LMO7: variants seen among roughly 807,000 people sequenced by gnomAD.
LMO7 encodes the protein LIM domain only protein 7.
Under a neutral mutation model 206.5 loss-of-function variants are expected in LMO7, and 120 were observed. The ratio of observed to expected loss-of-function variants is 0.58; its 90% confidence interval spans 0.50 to 0.68. The LOEUF (loss-of-function observed/expected upper bound fraction) is 0.68, where lower values mean the gene tolerates loss of function less well. Ranked by LOEUF, LMO7 falls within the 30% of genes least tolerant of loss-of-function variation. The probability of loss-of-function intolerance (pLI) is 0.00; values close to 1 mark genes in which losing one functional copy is unlikely to be tolerated. For synonymous variants in LMO7, 706 were observed against 681.5 expected, an observed-to-expected ratio of 1.04 and a Z score of -0.56; for missense variants, 1,959 against 1,957.9, an observed-to-expected ratio of 1.00 and a Z score of -0.01.
intron 9 of LMO7, chr13:75,806,017 T>C (rs759779834): frequency 5.0e-5 from 60 of 1,199,962 alleles, no homozygotes; most frequent in Non-Finnish European, 6.1e-5. Context: ...CAATTCTTTG[T>C]CTCATTCCCT....
In LMO7 at chr13:75,853,121, C is replaced by G. The variant is rs752648828; in HGVS notation, c.4394C>G (p.Pro1465Arg). The G allele has an allele frequency of 1.9e-6, 3 of 1,611,542 alleles. No individual in the cohort carries two copies. The highest frequency in any genetic ancestry group is 1.7e-5 in the Admixed American group (1 of 59,786). Residue 1465 changes from proline (P) to arginine (R), a missense_variant, in exon 28 of 31, where the codon CCC (proline) becomes CGC (arginine). Transcript: ENST00000377534. ...RGESLDNLDSPRSNSWRQPPW... is the reference protein window; with the variant it reads ...RGESLDNLDSRRSNSWRQPPW... ...GAATCTTTAGATAACCTGGACTCCC[C>G]CCGATCCAATTCTTGGAGACAGCCT...
chr13:75,665,112 T>G (rs966548475), intron 1 of LMO7, among the ~76,000 whole-genome samples: 4 of 152,160 alleles, frequency 2.6e-5, no homozygotes, highest in Non-Finnish European at 5.9e-5. Context: ...TTGAGAAAAT[T>G]ATACTGACTG....
chr13:75,847,093 T>C (rs2060063462), intron 26 of LMO7, among the ~76,000 whole-genome samples: 1 of 151,376 alleles, frequency 6.6e-6, no homozygotes, highest in African/African-American at 2.4e-5. Flanking sequence ...GCTTTGTATG[T>C]ACACAAATGT....
At chr13:75,706,430 G>T (rs1316539410) in intron 1 of LMO7, among the ~76,000 whole-genome samples, 1 of 152,184 alleles carries the variant, frequency 6.6e-6, no homozygotes, top group Non-Finnish European at 1.5e-5. Context: ...TAAAAAATCA[G>T]ATTTTTCGAG....
intron 2 of LMO7, among the ~76,000 whole-genome samples, 155 bp downstream of exon 2, chr13:75,713,407 A>G (rs2043279092): frequency 6.6e-6 from 1 of 152,226 alleles, no homozygotes; most frequent in African/African-American, 2.4e-5. Flanking sequence ...ATACCTCACA[A>G]TACGAGACAG....
intron 11 of LMO7, among the ~76,000 whole-genome samples, chr13:75,815,277 C>A (rs2056860482): frequency 6.6e-6 from 1 of 152,054 alleles, no homozygotes; most frequent in African/African-American, 2.4e-5. Flanking sequence ...GTAGGAGTCA[C>A]TTGGATCAGG....
intron 17 of LMO7, 21 bp downstream of exon 17, chr13:75,834,408 T>C: frequency 1.3e-6 from 2 of 1,534,314 alleles, no homozygotes; most frequent in Non-Finnish European, 1.8e-6. Flanking sequence ...GTTACCACCA[T>C]GTCTGGCATT....
chr13:75,627,062 G>C (rs2034291183), intron 2 of LMO7: 1 of 151,946 alleles, frequency 6.6e-6, no homozygotes, highest in Non-Finnish European at 1.5e-5. Context: ...CTAATGTATG[G>C]GTTGTTTCCT....
At chr13:75,660,447 G>T (rs1429924506) in intron 1 of LMO7, among the ~76,000 whole-genome samples, 2 of 152,126 alleles carry the variant, frequency 1.3e-5, no homozygotes, top group East Asian at 3.8e-4. Context: ...GCAGGGAATG[G>T]CATCTCCATT....
intron 9 of LMO7, chr13:75,806,080 G>T (rs1323749497): frequency 3.7e-6 from 4 of 1,093,444 alleles, no homozygotes; most frequent in Non-Finnish European, 4.4e-6. Flanking sequence ...AGACTCTGAG[G>T]ATGAGGACTC....
intron 1 of LMO7, among the ~76,000 whole-genome samples, chr13:75,661,666 C>T (rs921574786): frequency 4.6e-5 from 7 of 152,178 alleles, no homozygotes; most frequent in East Asian, 1.9e-4. Flanking sequence ...ACACAGGAGG[C>T]GTGGAAAATG....
intron 1 of LMO7, among the ~76,000 whole-genome samples, chr13:75,659,551 C>T (rs1434012738): frequency 6.6e-6 from 1 of 151,592 alleles, no homozygotes; most frequent in Non-Finnish European, 1.5e-5. Flanking sequence ...AAAGTGGAAA[C>T]CCCTGATAAA....
intron 2 of LMO7, among the ~76,000 whole-genome samples, chr13:75,623,651 C>G (rs915835426): frequency 6.6e-5 from 10 of 151,666 alleles, no homozygotes; most frequent in Admixed American, 5.3e-4. Context: ...GCATGAGCCA[C>G]TGTGCCTGAC....
upstream of LMO7, among the ~76,000 whole-genome samples, chr13:75,632,695 A>G (rs1169700120): frequency 6.6e-6 from 1 of 152,236 alleles, no homozygotes; most frequent in Non-Finnish European, 1.5e-5. Flanking sequence ...AGCAGCTTTA[A>G]ATAGTGTAAT....
chr13:75,852,307 G>A (rs553148717), intron 27 of LMO7, among the ~76,000 whole-genome samples: 4 of 152,274 alleles, frequency 2.6e-5, no homozygotes, highest in East Asian at 3.9e-4. Flanking sequence ...TGGATACAAC[G>A]AAGGAAACAG....
intron 11 of LMO7, among the ~76,000 whole-genome samples, chr13:75,814,226 A>T (rs1175958828): frequency 6.6e-6 from 1 of 152,232 alleles, no homozygotes; most frequent in Non-Finnish European, 1.5e-5. Flanking sequence ...AGAATTAGAA[A>T]CATTTTAAGT....
rs115043851 is a variant in LMO7, at chr13:75,666,199, C to T, written c.69+29473C>T. On this transcript the variant is annotated intron_variant, in intron 1 of 30. Coordinates refer to ENST00000377534, the MANE Select transcript of LMO7 (RefSeq NM_001306080.2). The stretch of plus-strand genomic sequence containing the variant: ...AAGTTAGCAATAAATTGGTTTAACC[C>T]ATTTATGCCTAGTGTTCCATTATTG... Among the ~76,000 whole-genome samples, 552 of 152,254 alleles carry T rather than the reference C, an allele frequency of 3.6e-3. 5 individuals are homozygous for T. The highest frequency in any genetic ancestry group is 0.013 in the African/African-American group (535 of 41,532).
intron 1 of LMO7, chr13:75,622,175 G>C (rs1488179424): frequency 5.7e-6 from 1 of 174,526 alleles, no homozygotes; most frequent in Non-Finnish European, 1.2e-5. Context: ...TGGAAAATGG[G>C]GTATTCATCC....
rs569025304 is a variant in LMO7, at chr13:75,739,192, T to A, written c.210+12094T>A. On this transcript the variant is annotated intron_variant, in intron 3 of 30. Coordinates refer to ENST00000377534, the MANE Select transcript of LMO7 (RefSeq NM_001306080.2). ...TTGGCTGGCTGACTGTAGATTTGAT[T>A]ACCTACTCATGCTTTCCATTTTAAT... Among the ~76,000 whole-genome samples the A allele has an allele frequency of 9.2e-5, 14 of 152,348 alleles. No individual in the cohort carries two copies. In the South Asian group the frequency reaches 2.7e-3, roughly 29 times the overall value.
Sources: gnomAD v4.1 joint callset for allele counts (sites outside exome capture counted in the v4.1 genomes callset) on GRCh38, gnomAD v4.1.1 for gene constraint, MANE v1.5 for transcripts, NCBI Gene and HGNC (gene_info 2026-07-23, HGNC 2026-07-21) for gene names.